GALNT17: variants seen among roughly 807,000 people sequenced by gnomAD.
GALNT17 encodes UDP-GalNAc:polypeptide N-acetylgalactosaminyltransferase-like 3.
GALNT17 carries 29 observed loss-of-function variants against 63.7 expected under a neutral mutation model. That is an observed-to-expected ratio of 0.46 (90% CI 0.34 to 0.62). The LOEUF (loss-of-function observed/expected upper bound fraction) is 0.62, where lower values mean the gene tolerates loss of function less well. Among genes scored for constraint, GALNT17 ranks in the 20% least tolerant of loss-of-function variants. The pLI, the probability that GALNT17 is intolerant of heterozygous loss-of-function variation, is 0.01. For synonymous variants in GALNT17, 305 were observed against 318.3 expected (o/e 0.96, Z 0.45); for missense variants, 603 against 799.6 (o/e 0.75, Z 2.97).
chr7:71,492,911 G>T (rs1324211369), intron 5 of GALNT17, among the ~76,000 whole-genome samples: 1 of 152,166 alleles, frequency 6.6e-6, no homozygotes, highest in Non-Finnish European at 1.5e-5. Context: ...GGGGGCCAGG[G>T]GATCCGCTAT....
intron 1 of GALNT17, among the ~76,000 whole-genome samples, chr7:71,190,009 C>T (rs890576927): frequency 1.3e-5 from 2 of 151,934 alleles, no homozygotes; most frequent in African/African-American, 4.8e-5. Flanking sequence ...AGCAGGGTTT[C>T]ACTGTGTTAG....
intron 9 of GALNT17, among the ~76,000 whole-genome samples, chr7:71,694,925 G>A (rs1039532647): frequency 6.6e-6 from 1 of 152,220 alleles, no homozygotes; most frequent in African/African-American, 2.4e-5. Context: ...CAGAAAGCCA[G>A]TGCTTGCTAG....
rs117163451 is a variant in GALNT17 at position 71,604,996 on chromosome 7, C to T, written c.1080+33594C>T. Among the ~76,000 whole-genome samples the T allele has an allele frequency of 2.4e-3, 373 of 152,260 alleles. 2 individuals carry two copies. Among genetic ancestry groups the T allele is most frequent in the Non-Finnish European group, 3.5e-3 (237 of 68,030 alleles). On this transcript the variant is annotated intron_variant, in intron 6 of 10. Coordinates refer to ENST00000333538, the MANE Select transcript of GALNT17 (RefSeq NM_022479.3). ...GGAAGCTACACTTAAAGCCTGAAAT[C>T]GTATCACATTGTGGACAGAGTGAAT...
chr7:71,231,461 G>C lies in GALNT17; in HGVS notation c.238+98421G>C, dbSNP rs548754893. On this transcript the variant is annotated intron_variant, in intron 1 of 10. Transcript: ENST00000333538. ...CAAGTCCAGAGCTTGCTATGGAAGAGAGGGTGGATGGAAAGATGGGTGTTT... is the reference window on the plus strand; with the variant it reads ...CAAGTCCAGAGCTTGCTATGGAAGACAGGGTGGATGGAAAGATGGGTGTTT... Among the ~76,000 whole-genome samples, 10 of 152,326 alleles carry C rather than the reference G, an allele frequency of 6.6e-5. No homozygotes were observed. In the South Asian group the frequency reaches 1.9e-3, roughly 28 times the overall value.
chr7:71,613,521 T>TAGCC (rs1472330966), intron 6 of GALNT17, among the ~76,000 whole-genome samples: 1 of 152,170 alleles, frequency 6.6e-6, no homozygotes, highest in Non-Finnish European at 1.5e-5. Flanking sequence ...TTTCCATGAG[T>TAGCC]AGCCTCTGCT....
chr7:71,417,205 A>G (rs1786551656), intron 4 of GALNT17, among the ~76,000 whole-genome samples: 1 of 152,234 alleles, frequency 6.6e-6, no homozygotes, highest in Non-Finnish European at 1.5e-5. Context: ...CCAATATCCC[A>G]TCACTAATTA....
intron 9 of GALNT17, among the ~76,000 whole-genome samples, chr7:71,706,861 G>A (rs1234095024): frequency 6.6e-6 from 1 of 152,150 alleles, no homozygotes; most frequent in East Asian, 1.9e-4. Context: ...CTGTCCCTGA[G>A]CAGAGCTACT....
chr7:71,342,473 G>A lies in GALNT17; in HGVS notation c.422+6740G>A, dbSNP rs568042112. 3.3e-5 allele frequency among the ~76,000 whole-genome samples: 5 copies of A among 152,064 alleles called. 1 individual carries two copies. The highest frequency in any genetic ancestry group is 3.4e-3 in the Middle Eastern group (1 of 292). ...TCAACATGAGATTTGGCTGAGACATGCATCCCAACCATATTACTGATAGAC... is the reference window on the plus strand; with the variant it reads ...TCAACATGAGATTTGGCTGAGACATACATCCCAACCATATTACTGATAGAC... On this transcript the variant is annotated intron_variant, in intron 2 of 10. Transcript: ENST00000333538.
intron 5 of GALNT17, among the ~76,000 whole-genome samples, chr7:71,568,856 G>A (rs937534819): frequency 6.6e-6 from 1 of 152,126 alleles, no homozygotes; most frequent in Admixed American, 6.6e-5. Context: ...TACAATGCAT[G>A]GTCCCATGCA....
intron 1 of GALNT17, among the ~76,000 whole-genome samples, chr7:71,219,672 C>A (rs916786128): frequency 6.6e-6 from 1 of 152,078 alleles, no homozygotes; most frequent in African/African-American, 2.4e-5. Flanking sequence ...TCCCTCGATT[C>A]TCTGAGGATG....
intron 6 of GALNT17, among the ~76,000 whole-genome samples, chr7:71,638,043 A>G (rs1166002930): frequency 6.6e-6 from 1 of 152,210 alleles, no homozygotes; most frequent in East Asian, 1.9e-4. Context: ...TTTCCAGGAA[A>G]GGAGTGGGCA....
intron 9 of GALNT17, among the ~76,000 whole-genome samples, chr7:71,692,575 C>T (rs180720052): frequency 6.6e-6 from 1 of 152,014 alleles, no homozygotes. Flanking sequence ...TTTGATTTCT[C>T]CTTGGGACAG....
intron 3 of GALNT17, among the ~76,000 whole-genome samples, chr7:71,400,517 T>G (rs1181908338): frequency 1.3e-5 from 2 of 152,330 alleles, no homozygotes; most frequent in Admixed American, 6.5e-5. Flanking sequence ...TCTTTTCTTT[T>G]TGATACCAAA....
At chr7:71,268,543 C>A (rs919811153) in intron 1 of GALNT17, among the ~76,000 whole-genome samples, 8 of 135,056 alleles carry the variant, frequency 5.9e-5, no homozygotes, top group Non-Finnish European at 1.1e-4. Context: ...AGAATGAGAT[C>A]CATCTCAATA....
intron 6 of GALNT17, among the ~76,000 whole-genome samples, chr7:71,646,975 T>C (rs1790685231): frequency 6.6e-6 from 1 of 151,992 alleles, no homozygotes; most frequent in Admixed American, 6.6e-5. Context: ...CTTGATCTCC[T>C]GACCTCATGA....
intron 1 of GALNT17, among the ~76,000 whole-genome samples, chr7:71,326,670 C>T (rs1397780672): frequency 6.6e-6 from 1 of 152,208 alleles, no homozygotes; most frequent in Non-Finnish European, 1.5e-5. Flanking sequence ...GATTTACTTA[C>T]ATTGTATATT....
chr7:71,191,795 G>A (rs577680170), intron 1 of GALNT17, among the ~76,000 whole-genome samples: 1 of 152,040 alleles, frequency 6.6e-6, no homozygotes, highest in Non-Finnish European at 1.5e-5. Context: ...AAGTACCTAC[G>A]AGTGGAATTA....
Position 71,569,152 on chromosome 7 carries a change from A to T in GALNT17, c.963-2133A>T, listed in dbSNP as rs937608280. On this transcript the variant is annotated intron_variant, in intron 5 of 10. Transcript: ENST00000333538. ...ATGCCTGGCTAATTTTTTTATCTTT[A>T]GTAGAGACGGGGTTTCACCATGTTG... is the stretch of plus-strand genomic sequence containing the variant. Among the ~76,000 whole-genome samples the T allele has an allele frequency of 2.0e-5, 3 of 152,084 alleles. No homozygotes were observed. The East Asian group carries it at 5.8e-4, about 29-fold the overall frequency.
At chr7:71,482,079 ATATG>A (rs1159081224) in intron 5 of GALNT17, among the ~76,000 whole-genome samples, 31 of 136,798 alleles carry the variant, frequency 2.3e-4, no homozygotes, top group Non-Finnish European at 3.8e-4. Context: ...ACATATATGT[ATATG>A]TGTGTGTGTG....
Sources: allele counts gnomAD v4.1 joint callset (sites outside exome capture counted in the v4.1 genomes callset), GRCh38; gene constraint gnomAD v4.1.1; transcripts MANE v1.5; gene names NCBI Gene and HGNC (gene_info 2026-07-23, HGNC 2026-07-21).